The following CEP63 variants were observed in gnomAD, a reference collection of about 807,000 sequenced individuals.
CEP63 encodes the protein centrosomal protein 63.
Under a neutral mutation model 89.1 loss-of-function variants are expected in CEP63, and 84 were observed. That is an observed-to-expected ratio of 0.94 (90% CI 0.79 to 1.13). The LOEUF is 1.13. Among genes scored for constraint, CEP63 ranks in the 50% most tolerant of loss-of-function variants. The pLI is 0.00. For missense variants in CEP63, 838 were observed against 813.3 expected (o/e 1.03, Z -0.37); for synonymous variants, 267 against 272.5 (o/e 0.98, Z 0.20).
At chr3:134,584,522 G>A (rs1958436486) in intron 10 of CEP63, among the ~76,000 whole-genome samples, 2 of 152,198 alleles carry the variant, frequency 1.3e-5, no homozygotes, top group Admixed American at 1.3e-4. Flanking sequence ...TCCCAGGGAT[G>A]AAGCCAACTT....
At chr3:134,593,005 G>T in the CEP63 span, among the ~76,000 whole-genome samples, 1 of 152,106 alleles carries the variant, frequency 6.6e-6, no homozygotes, top group Non-Finnish European at 1.5e-5. Flanking sequence ...ACTGAGCCCA[G>T]TGGGTGGATT....
intron 2 of CEP63, among the ~76,000 whole-genome samples, chr3:134,498,802 TG>T (rs1397722490): frequency 2.0e-5 from 3 of 152,234 alleles, no homozygotes; most frequent in Non-Finnish European, 4.4e-5. Context: ...TCTGTTGAGA[TG>T]ATCATATGGT....
chr3:134,665,191 A>G, the CEP63 span, among the ~76,000 whole-genome samples: 1 of 151,712 alleles, frequency 6.6e-6, no homozygotes, highest in African/African-American at 2.4e-5. Flanking sequence ...GAATGGGTCC[A>G]GGGCATCTAC....
chr3:134,747,059 T>C, the CEP63 span, among the ~76,000 whole-genome samples: 1 of 151,712 alleles, frequency 6.6e-6, no homozygotes, highest in Admixed American at 6.6e-5. Context: ...GTTTTAGGTC[T>C]AACATTTAAG....
chr3:134,486,772 A>G (rs573655839), intron 1 of CEP63: 1 of 155,730 alleles, frequency 6.4e-6, no homozygotes, highest in Non-Finnish European at 1.4e-5. Flanking sequence ...CGGTTATGTT[A>G]GTACAAGAGG....
chr3:134,518,100 A>C (rs1481941404), intron 3 of CEP63, among the ~76,000 whole-genome samples: 2 of 152,222 alleles, frequency 1.3e-5, no homozygotes, highest in Non-Finnish European at 2.9e-5. Context: ...TCAGTTAACC[A>C]GGTTGCTTTA....
intron 3 of CEP63, among the ~76,000 whole-genome samples, chr3:134,521,818 G>A (rs1947526886): frequency 6.6e-6 from 1 of 152,134 alleles, no homozygotes; most frequent in Admixed American, 6.5e-5. Flanking sequence ...TGTTACTGAA[G>A]TTTTATTTTC....
At chr3:134,594,050 T>A in the CEP63 span, among the ~76,000 whole-genome samples, 2 of 152,258 alleles carry the variant, frequency 1.3e-5, no homozygotes, top group African/African-American at 4.8e-5. Flanking sequence ...TTAAATAGAA[T>A]AAAATGGTGG....
intron 2 of CEP63, among the ~76,000 whole-genome samples, chr3:134,504,255 C>T (rs909206340): frequency 1.8e-4 from 15 of 83,280 alleles, no homozygotes; most frequent in Middle Eastern, 5.8e-3. Flanking sequence ...ATCCCATATG[C>T]ATTTTTTGTA....
chr3:134,506,593 G>GAATAAGT (rs1943505504), intron 2 of CEP63, among the ~76,000 whole-genome samples: 1 of 152,236 alleles, frequency 6.6e-6, no homozygotes, highest in South Asian at 2.1e-4. Flanking sequence ...ATATTCTGTG[G>GAATAAGT]AATAAGTAAT....
At chr3:134,707,742 T>TTTTTC in the CEP63 span, among the ~76,000 whole-genome samples, 22 of 145,940 alleles carry the variant, frequency 1.5e-4, no homozygotes, top group African/African-American at 5.5e-4. Flanking sequence ...TTCTTTTCTT[T>TTTTTC]TTTTTTTTTT....
chr3:134,739,543 A>G, the CEP63 span, among the ~76,000 whole-genome samples: 2 of 152,230 alleles, frequency 1.3e-5, no homozygotes, highest in Admixed American at 6.5e-5. Context: ...ATAATGCACT[A>G]TACATACTAT....
chr3:134,775,020 G>T, the CEP63 span, among the ~76,000 whole-genome samples: 1 of 152,188 alleles, frequency 6.6e-6, no homozygotes, highest in South Asian at 2.1e-4. Flanking sequence ...GGATAATTCA[G>T]AGGTCTGTGT....
At chr3:134,628,080 C>T in the CEP63 span, 1 of 538,452 alleles carries the variant, frequency 1.9e-6, no homozygotes, top group Non-Finnish European at 3.4e-6. Context: ...TTAGTATTTG[C>T]TCTGACCTAA....
At chr3:134,635,595 T>C in the CEP63 span, among the ~76,000 whole-genome samples, 3 of 145,784 alleles carry the variant, frequency 2.1e-5, no homozygotes, top group African/African-American at 7.6e-5. Flanking sequence ...AAGAGGGAAA[T>C]AGAACTGCTG....
intron 9 of CEP63, 34 bp downstream of exon 9, chr3:134,547,506 A>T: frequency 6.3e-7 from 1 of 1,589,468 alleles, no homozygotes; most frequent in Non-Finnish European, 8.6e-7. Flanking sequence ...AAAAATTTCA[A>T]GTTGTTAAAA....
At chr3:134,709,942 C>A in the CEP63 span, among the ~76,000 whole-genome samples, 3 of 152,188 alleles carry the variant, frequency 2.0e-5, no homozygotes, top group Admixed American at 1.3e-4. Context: ...CAGATTTGAA[C>A]AGAGTCTTTT....
chr3:134,647,446 T>G, the CEP63 span: 1 of 1,610,452 alleles, frequency 6.2e-7, no homozygotes, highest in Admixed American at 1.7e-5. Context: ...GTGAAAGTCA[T>G]TTCCTTCTAA....
At chr3:134,545,520 TA>T in intron 6 of CEP63, 65 bp from the exon 7 acceptor site, 5 of 1,098,958 alleles carry the variant, frequency 4.5e-6, no homozygotes, top group Non-Finnish European at 7.0e-6. Flanking sequence ...AGTTTCATTT[TA>T]GTCTTATTCA....
Sources: gnomAD v4.1 joint callset for allele counts (sites outside exome capture counted in the v4.1 genomes callset) on GRCh38, gnomAD v4.1.1 for gene constraint, MANE v1.5 for transcripts, NCBI Gene and HGNC (gene_info 2026-07-23, HGNC 2026-07-21) for gene names.